The following WIPF2 variants were observed in gnomAD, a reference collection of about 807,000 sequenced individuals.
WIPF2 encodes WAS/WASL interacting protein family member 2, also known as WAS/WASL-interacting protein family member 2.
WIPF2 carries 23 observed loss-of-function variants against 38.8 expected under a neutral mutation model. That is an observed-to-expected ratio of 0.59 (90% CI 0.43 to 0.84). The LOEUF is 0.84. Among genes scored for constraint, WIPF2 ranks in the 40% least tolerant of loss-of-function variants. The pLI, the probability that WIPF2 is intolerant of heterozygous loss-of-function variation, is 0.00. For missense variants in WIPF2, 574 were observed against 580.5 expected (o/e 0.99, Z 0.11); for synonymous variants, 210 against 223.2 (o/e 0.94, Z 0.53).
rs542159548 is a variant in WIPF2 at position 40,235,963 on chromosome 17, T to A, written c.-70+16471T>A. 1.6e-3 allele frequency among the ~76,000 whole-genome samples: 227 copies of A among 143,128 alleles called. 2 individuals are homozygous for A. Among genetic ancestry groups the A allele is most frequent in the African/African-American group, 3.9e-3 (148 of 37,956 alleles). The allele number at this position is 143,128 out of a possible 152,430, so 93.9% of individuals were successfully genotyped here. A position where few individuals can be genotyped will look rare whatever the true frequency, so the allele number is the denominator to read the frequency against. Reference sequence around the variant, plus strand: ...TGGCAGTTTGACTGGATTAAAAAAATTTTTTTTTTTTTTGAGATGGAGTCT... The same window carrying A: ...TGGCAGTTTGACTGGATTAAAAAAAATTTTTTTTTTTTTGAGATGGAGTCT... On this transcript the variant is annotated intron_variant, in intron 1 of 7. Transcript: ENST00000323571.
At chr17:40,267,261 G>A (rs1025781560) in intron 5 of WIPF2, among the ~76,000 whole-genome samples, 4 of 152,136 alleles carry the variant, frequency 2.6e-5, no homozygotes, top group East Asian at 1.9e-4. Context: ...AGGCATGTGC[G>A]ACTCTAAGGG....
At chr17:40,231,425 C>CTTTT (rs869080815) in intron 1 of WIPF2, among the ~76,000 whole-genome samples, 1 of 136,330 alleles carries the variant, frequency 7.3e-6, no homozygotes, top group African/African-American at 2.7e-5. Flanking sequence ...GCTTTTCTAC[C>CTTTT]TTTTTTTTTT....
In WIPF2 at chr17:40,264,563, C is replaced by T. The variant is rs201108912; in HGVS notation, c.387C>T (p.Ala129=). The T allele has an allele frequency of 3.5e-4, 564 of 1,614,124 alleles. 5 individuals are homozygous for T. Among genetic ancestry groups the T allele is most frequent in the Middle Eastern group, 2.5e-3 (15 of 6,062 alleles). Residue 129 remains alanine, a synonymous_variant, in exon 5 of 8, where the codon GCC becomes GCT. Coordinates refer to ENST00000323571, the MANE Select transcript of WIPF2 (RefSeq NM_133264.5). ...RAAAPRPPVS[A]ASGRPQDDTD... Reference sequence around the variant, plus strand: ...CTGCCCCAAGGCCTCCAGTATCTGCCGCCAGCGGGCGTCCTCAGGATGATA... The same window carrying T: ...CTGCCCCAAGGCCTCCAGTATCTGCTGCCAGCGGGCGTCCTCAGGATGATA...
intron 1 of WIPF2, among the ~76,000 whole-genome samples, chr17:40,254,808 T>C (rs1398089741): frequency 6.6e-6 from 1 of 151,920 alleles, no homozygotes; most frequent in Admixed American, 6.6e-5. Context: ...CTTGGCTCAC[T>C]GCACCTCCAC....
chr17:40,255,035 G>T (rs2031675278), intron 1 of WIPF2, among the ~76,000 whole-genome samples: 1 of 151,604 alleles, frequency 6.6e-6, no homozygotes, highest in African/African-American at 2.4e-5. Context: ...TGCCCGGCCT[G>T]ATTTTTACAT....
chr17:40,267,037 G>C (rs559673389), intron 5 of WIPF2, among the ~76,000 whole-genome samples: 43 of 152,086 alleles, frequency 2.8e-4, no homozygotes, highest in Admixed American at 4.6e-4. Flanking sequence ...GAGAAGGAGA[G>C]TTGAGGAGAG....
Position 40,278,265 on chromosome 17 carries a change from T to A in WIPF2, c.*40T>A. ...CCGTTCCTCAGGAAAAGGATGGACCTTCTCTTCTTCTCAGATGGTCCCTTC... is the reference window on the plus strand; with the variant it reads ...CCGTTCCTCAGGAAAAGGATGGACCATCTCTTCTTCTCAGATGGTCCCTTC... On this transcript the variant is annotated 3_prime_UTR_variant, in exon 8 of 8. Coordinates refer to ENST00000323571, the MANE Select transcript of WIPF2 (RefSeq NM_133264.5). 1 of 1,605,722 alleles carries A rather than the reference T, an allele frequency of 6.2e-7. No homozygotes were observed. The highest frequency in any genetic ancestry group is 8.5e-7 in the Non-Finnish European group (1 of 1,174,508).
rs1477548240 is a variant in WIPF2, at chr17:40,262,630, A to G, written c.302A>G (p.Lys101Arg). ...CTGAAGCTTCGACCTGTGGGAGCCA[A>G]GGATGGTTCAGGTATCTGATGAGTA... ...GVLKLRPVGAKDGSENLAGKP... is the reference protein window; with the variant it reads ...GVLKLRPVGARDGSENLAGKP... Residue 101 changes from lysine (K) to arginine (R), a missense_variant, in exon 4 of 8, where the codon AAG (lysine) becomes AGG (arginine). By Grantham distance (26) the Lys-to-Arg change is conservative. Coordinates refer to ENST00000323571, the MANE Select transcript of WIPF2 (RefSeq NM_133264.5). The G allele has an allele frequency of 1.2e-6, 2 of 1,613,538 alleles. No individual in the cohort carries two copies. Among genetic ancestry groups the G allele is most frequent in the Non-Finnish European group, 1.7e-6 (2 of 1,179,566 alleles).
At chr17:40,248,051 A>G (rs965953235) in intron 1 of WIPF2, among the ~76,000 whole-genome samples, 2 of 146,856 alleles carry the variant, frequency 1.4e-5, no homozygotes, top group Non-Finnish European at 3.0e-5. Context: ...GGACTTGGTC[A>G]TTTTGAACTT....
At position 40,282,163 on chromosome 17, in the gene WIPF2, G is replaced by C. The variant is rs1328960821; in HGVS notation, c.*3938G>C. On this transcript the variant is annotated 3_prime_UTR_variant, in exon 8 of 8. Coordinates refer to ENST00000323571, the MANE Select transcript of WIPF2 (RefSeq NM_133264.5). ...TAACTTTAACCGAAGGAAGGGTTTG[G>C]TTCCATTCAACTCCACATTCATTGT... The C allele has an allele frequency of 6.7e-6, 1 of 150,112 alleles. No homozygotes were observed. The highest frequency in any genetic ancestry group is 1.5e-5 in the Non-Finnish European group (1 of 67,746). 9.3% of individuals were successfully genotyped at this position (150,112 alleles called of 1,614,324 possible).
chr17:40,242,545 G>A (rs912107468), intron 1 of WIPF2, among the ~76,000 whole-genome samples: 1 of 151,940 alleles, frequency 6.6e-6, no homozygotes, highest in African/African-American at 2.4e-5. Context: ...GATTACAGGC[G>A]CCCGCCGCCA....
At chr17:40,266,237 CAAAAA>C (rs973061072) in intron 5 of WIPF2, among the ~76,000 whole-genome samples, 3 of 62,342 alleles carry the variant, frequency 4.8e-5, no homozygotes, top group Non-Finnish European at 6.6e-5. Context: ...CAGTCCATCT[CAAAAA>C]AAAAAAAAAA....
chr17:40,260,849 C>A (rs763968285), intron 3 of WIPF2, 182 bp downstream of exon 3: 1 of 840,110 alleles, frequency 1.2e-6, no homozygotes, highest in Non-Finnish European at 1.9e-6. Flanking sequence ...TGGAGAGCAT[C>A]TCAGGATTAA....
intron 6 of WIPF2, 39 bp downstream of exon 6, chr17:40,274,038 G>A: frequency 6.7e-7 from 1 of 1,483,628 alleles, no homozygotes; most frequent in South Asian, 1.4e-5. Flanking sequence ...GGTTCCTGCG[G>A]TGACTTCACC....
intron 2 of WIPF2, among the ~76,000 whole-genome samples, chr17:40,260,194 T>TC: frequency 6.7e-6 from 1 of 148,176 alleles, no homozygotes; most frequent in East Asian, 2.0e-4. Context: ...TTTTTTTTTT[T>TC]TTTTTTTTTT....
At chr17:40,251,663 A>G (rs1392725638) in intron 1 of WIPF2, among the ~76,000 whole-genome samples, 1 of 152,256 alleles carries the variant, frequency 6.6e-6, no homozygotes, top group Non-Finnish European at 1.5e-5. Context: ...GGAAGAAGTC[A>G]GGAGACCTGG....
At chr17:40,246,894 G>A (rs969091168) in intron 1 of WIPF2, among the ~76,000 whole-genome samples, 2 of 151,498 alleles carry the variant, frequency 1.3e-5, no homozygotes, top group African/African-American at 2.4e-5. Flanking sequence ...GGCGGATCAC[G>A]ACATCAGTAG....
intron 5 of WIPF2, 149 bp downstream of exon 5, chr17:40,265,295 A>G (rs1248400972): frequency 2.9e-6 from 3 of 1,037,710 alleles, no homozygotes; most frequent in African/African-American, 3.2e-5. Flanking sequence ...GTAGGGAAAT[A>G]GCAATAAATA....
intron 1 of WIPF2, among the ~76,000 whole-genome samples, chr17:40,250,044 G>T (rs950513516): frequency 6.6e-6 from 1 of 150,678 alleles, no homozygotes; most frequent in African/African-American, 2.4e-5. Flanking sequence ...ATGTTGCCCA[G>T]GCTGGTCTCG....
Sources: gnomAD v4.1 joint callset for allele counts (sites outside exome capture counted in the v4.1 genomes callset) on GRCh38, gnomAD v4.1.1 for gene constraint, MANE v1.5 for transcripts, NCBI Gene and HGNC (gene_info 2026-07-23, HGNC 2026-07-21) for gene names.